WNT9A: variants seen among roughly 807,000 people sequenced by gnomAD.
WNT9A encodes Wnt family member 9A, also known as protein Wnt-9a.
A neutral mutation model predicts 31.4 loss-of-function variants in WNT9A; 8 were observed. The observed-to-expected ratio is 0.26, with a 90% CI of 0.15 to 0.46. WNT9A has a LOEUF of 0.46. WNT9A is among the 20% of genes least tolerant of loss of function. The pLI, the probability that WNT9A is intolerant of heterozygous loss-of-function variation, is 0.99. For synonymous variants in WNT9A, 236 were observed against 220.1 expected (o/e 1.07, Z -0.64); for missense variants, 457 against 522.9 (o/e 0.87, Z 1.23).
In WNT9A at chr1:227,925,660, C is replaced by T; in HGVS notation, c.96-141G>A. 1.5e-6 allele frequency: 2 copies of T among 1,334,928 alleles called. No individual in the cohort carries two copies. The highest frequency in any genetic ancestry group is 2.0e-6 in the Non-Finnish European group (2 of 1,014,556). 82.7% of individuals were successfully genotyped at this position (1,334,928 alleles called of 1,614,324 possible). ...CAGAAAGAATCCAGGATGAGCCAGG[C>T]AGGGGAGAGGGAGGCGAGAAGGGCC... On this transcript the variant is annotated intron_variant, in intron 1 of 3. Coordinates refer to ENST00000272164, the MANE Select transcript of WNT9A (RefSeq NM_003395.4). The surrounding 1 kb of genome is among the most constrained non-coding windows in gnomAD (Gnocchi z 6.0).
At chr1:227,939,581 C>T (rs1666657339) in intron 1 of WNT9A, among the ~76,000 whole-genome samples, 1 of 152,200 alleles carries the variant, frequency 6.6e-6, no homozygotes, top group South Asian at 2.1e-4. Flanking sequence ...CCACAGGCTC[C>T]TTCCAGCTCC....
chr1:227,926,579 C>T lies in WNT9A; in HGVS notation c.96-1060G>A, dbSNP rs1347682861. On this transcript the variant is annotated intron_variant, in intron 1 of 3. Transcript: ENST00000272164. This position sits in a 1 kb window ranked among gnomAD's most constrained non-coding sequence, Gnocchi z 5.0. ...AGCCCAGTGTCCCCACATGGGTGGA[C>T]TGAATGTCAGGGGCCCCAGGCACGG... 2.0e-5 allele frequency among the ~76,000 whole-genome samples: 3 copies of T among 152,118 alleles called. No homozygotes were observed. The highest frequency in any genetic ancestry group is 6.5e-5 in the Admixed American group (1 of 15,278).
chr1:227,918,934 C>T lies in WNT9A; in HGVS notation c.*2584G>A, dbSNP rs1293665981. The T allele has an allele frequency of 3.9e-5, 6 of 152,138 alleles. No individual in the cohort carries two copies. The highest frequency in any genetic ancestry group is 8.8e-5 in the Non-Finnish European group (6 of 68,038). The allele number at this position is 152,138 out of a possible 1,614,324, so 9.4% of individuals were successfully genotyped here. ...GCCAAGGAGCGGGCTGAACCCCTCC[C>T]AACAGCCCTTTCTCCTCTACTGCCC... On this transcript the variant is annotated 3_prime_UTR_variant, in exon 4 of 4. Transcript: ENST00000272164.
At chr1:227,941,356 C>T (rs982514961) in intron 1 of WNT9A, among the ~76,000 whole-genome samples, 1 of 151,990 alleles carries the variant, frequency 6.6e-6, no homozygotes, top group African/African-American at 2.4e-5. Context: ...GAGGAGAACA[C>T]AAGGGGACCC....
intron 1 of WNT9A, among the ~76,000 whole-genome samples, chr1:227,945,909 A>G (rs1360741441): frequency 6.6e-6 from 1 of 152,152 alleles, no homozygotes; most frequent in Non-Finnish European, 1.5e-5. Context: ...ATGCCCCCCC[A>G]GCCCCTGGTT....
intron 1 of WNT9A, among the ~76,000 whole-genome samples, chr1:227,934,527 C>T (rs1366861207): frequency 6.6e-6 from 1 of 152,182 alleles, no homozygotes; most frequent in Non-Finnish European, 1.5e-5. Flanking sequence ...TCAGATATTT[C>T]CAAGAAGTGA....
chr1:227,924,061 GTCCCA>G, intron 3 of WNT9A, 72 bp downstream of exon 3: 2 of 114,742 alleles, frequency 1.7e-5, no homozygotes, highest in East Asian at 2.5e-4. Flanking sequence ...CCCGCCCCCA[GTCCCA>G]CGCCCCACCC....
At chr1:227,927,699 C>G (rs1388040255) in intron 1 of WNT9A, among the ~76,000 whole-genome samples, 4 of 152,068 alleles carry the variant, frequency 2.6e-5, no homozygotes, top group African/African-American at 9.7e-5. Context: ...GACGGAACGC[C>G]ACAGCTGTGA....
At position 227,926,452 on chromosome 1, in the gene WNT9A, C is replaced by G. The variant is rs796291239; in HGVS notation, c.96-933G>C. Among the ~76,000 whole-genome samples the G allele has an allele frequency of 6.6e-6, 1 of 151,984 alleles. No individual in the cohort carries two copies. Among genetic ancestry groups the G allele is most frequent in the South Asian group, 2.1e-4 (1 of 4,814 alleles). Reference sequence around the variant, plus strand: ...CGCCCTGGCCCAGCCCAGCCCATATCGAGTCAAGAGCCCTCAACCCCAAAC... The same window carrying G: ...CGCCCTGGCCCAGCCCAGCCCATATGGAGTCAAGAGCCCTCAACCCCAAAC... On this transcript the variant is annotated intron_variant, in intron 1 of 3. Coordinates refer to ENST00000272164, the MANE Select transcript of WNT9A (RefSeq NM_003395.4). The surrounding 1 kb of genome is among the most constrained non-coding windows in gnomAD (Gnocchi z 5.0).
At chr1:227,936,202 T>C (rs971571455) in intron 1 of WNT9A, among the ~76,000 whole-genome samples, 43 of 151,980 alleles carry the variant, frequency 2.8e-4, no homozygotes, top group African/African-American at 9.2e-4. Flanking sequence ...TTTTCTTTTT[T>C]TTTTCAGACG....
At position 227,925,429 on chromosome 1, in the gene WNT9A, C is replaced by T. The variant is rs1470280164; in HGVS notation, c.186G>A (p.Leu62=). ...TGCGCCGCTGCTTCCGCTCCAGCTT[C>T]AGCCGGTCGCAGGCCTTGTAGTGCG... ...AQAHYKACDR[L]KLERKQRRMC... is the part of the protein sequence containing the mutation. The change falls in exon 2 of 4, where the codon CTG becomes CTA. Residue 62 remains leucine, a synonymous_variant. Coordinates refer to ENST00000272164, the MANE Select transcript of WNT9A (RefSeq NM_003395.4). This position sits in a 1 kb window ranked among gnomAD's most constrained non-coding sequence, Gnocchi z 6.0. 6 of 1,598,200 alleles carry T rather than the reference C, an allele frequency of 3.8e-6. No individual in the cohort carries two copies. Among genetic ancestry groups the T allele is most frequent in the Non-Finnish European group, 4.3e-6 (5 of 1,175,392 alleles).
At chr1:227,947,554 C>CG (rs1666814585) in intron 1 of WNT9A, among the ~76,000 whole-genome samples, 2 of 151,608 alleles carry the variant, frequency 1.3e-5, no homozygotes, top group Non-Finnish European at 3.0e-5. Context: ...ACGACGACGA[C>CG]TCTGCGGTCA....
intron 1 of WNT9A, among the ~76,000 whole-genome samples, chr1:227,930,008 G>T (rs1236616710): frequency 6.6e-6 from 1 of 152,146 alleles, no homozygotes; most frequent in African/African-American, 2.4e-5. Flanking sequence ...GTGGTGTTTT[G>T]CCATAGCAGC....
chr1:227,947,305 TTC>T (rs71762594), intron 1 of WNT9A, among the ~76,000 whole-genome samples: 2 of 151,772 alleles, frequency 1.3e-5, no homozygotes, highest in East Asian at 1.9e-4. Flanking sequence ...ATTTCTCTCT[TTC>T]TCTCTCTCTC....
chr1:227,938,831 T>C lies in WNT9A; in HGVS notation c.95+8962A>G, dbSNP rs551816939. On this transcript the variant is annotated intron_variant, in intron 1 of 3. Coordinates refer to ENST00000272164, the MANE Select transcript of WNT9A (RefSeq NM_003395.4). The stretch of plus-strand genomic sequence containing the variant: ...CCTAAACTACCTGGTGAGTGTGTTT[T>C]TGACTCTGCTACACCGGCAAGAAAC... Among the ~76,000 whole-genome samples, 4 of 152,344 alleles carry C rather than the reference T, an allele frequency of 2.6e-5. No individual in the cohort carries two copies. The South Asian group carries it at 6.2e-4, about 24-fold the overall frequency.
Position 227,920,412 on chromosome 1 carries a change from C to G in WNT9A, c.*1106G>C, listed in dbSNP as rs2102714735. On this transcript the variant is annotated 3_prime_UTR_variant, in exon 4 of 4. Coordinates refer to ENST00000272164, the MANE Select transcript of WNT9A (RefSeq NM_003395.4). ...CTTGGCCGAGAGCGGGGAGCTGCAG[C>G]CGGGGAGGTGGCAGGGATGGAGAAA... 6.6e-6 allele frequency: 1 copy of G among 151,970 alleles called. No individual in the cohort carries two copies. The highest frequency in any genetic ancestry group is 1.9e-4 in the East Asian group (1 of 5,154). 9.4% of individuals were successfully genotyped at this position (151,970 alleles called of 1,614,324 possible).
intron 1 of WNT9A, 56 bp downstream of exon 1, chr1:227,947,737 G>T: frequency 2.1e-6 from 2 of 941,414 alleles, no homozygotes; most frequent in Non-Finnish European, 2.6e-6. Flanking sequence ...GGACGACCCC[G>T]CCCCGGCCCC....
Position 227,925,538 on chromosome 1 carries a change from G to T in WNT9A, c.96-19C>A. ...CGTCAGCCTGGGCACAGAGAGGCCA[G>T]CATGAGCCCGGCCCCAGGAAGCCCT... On this transcript the variant is annotated intron_variant, in intron 1 of 3. Transcript: ENST00000272164. The surrounding 1 kb of genome is among the most constrained non-coding windows in gnomAD (Gnocchi z 6.0). 1 of 1,500,920 alleles carries T rather than the reference G, an allele frequency of 6.7e-7. No homozygotes were observed. The highest frequency in any genetic ancestry group is 8.9e-7 in the Non-Finnish European group (1 of 1,128,448). The allele number at this position is 1,500,920 out of a possible 1,614,324, so 93.0% of individuals were successfully genotyped here. A position where few individuals can be genotyped will look rare whatever the true frequency, so the allele number is the denominator to read the frequency against.
rs1666407525 is a variant in WNT9A, at chr1:227,925,540, A to G, written c.96-21T>C. 1.3e-6 allele frequency: 2 copies of G among 1,498,172 alleles called. No homozygotes were observed. Among genetic ancestry groups the G allele is most frequent in the African/African-American group, 2.8e-5 (2 of 71,764 alleles). 92.8% of individuals were successfully genotyped at this position (1,498,172 alleles called of 1,614,324 possible). On this transcript the variant is annotated intron_variant, in intron 1 of 3. Transcript: ENST00000272164. This position sits in a 1 kb window ranked among gnomAD's most constrained non-coding sequence, Gnocchi z 6.0. Reference sequence around the variant, plus strand: ...TCAGCCTGGGCACAGAGAGGCCAGCATGAGCCCGGCCCCAGGAAGCCCTGC... The same window carrying G: ...TCAGCCTGGGCACAGAGAGGCCAGCGTGAGCCCGGCCCCAGGAAGCCCTGC...
Sources: allele counts gnomAD v4.1 joint callset (sites outside exome capture counted in the v4.1 genomes callset), GRCh38; gene constraint gnomAD v4.1.1; non-coding constraint Gnocchi (gnomAD v3.1); transcripts MANE v1.5; gene names NCBI Gene and HGNC (gene_info 2026-07-23, HGNC 2026-07-21).